Variants in MYLK observed in about 807,000 individuals in gnomAD.
MYLK encodes myosin light chain kinase, smooth muscle.
MYLK carries 106 observed loss-of-function variants against 203.4 expected under a neutral mutation model. The observed-to-expected ratio is 0.52, with a 90% CI of 0.45 to 0.61. The LOEUF (loss-of-function observed/expected upper bound fraction) is 0.61. Ranked by LOEUF, MYLK falls within the 20% of genes least tolerant of loss-of-function variation. The pLI is 0.00. For missense variants in MYLK, 2,072 were observed against 2,442.3 expected (o/e 0.85, Z 3.20); for synonymous variants, 867 against 959.5 (o/e 0.90, Z 1.78).
rs113822223 is a variant in MYLK, at chr3:123,738,627, T to C, written c.588+270A>G. Among the ~76,000 whole-genome samples, 626 of 152,300 alleles carry C rather than the reference T, an allele frequency of 4.1e-3. 11 individuals are homozygous for C. The highest frequency in any genetic ancestry group is 0.015 in the African/African-American group (606 of 41,566). Reference sequence around the variant, plus strand: ...CATAGGGTGGGTTTTCTCATGCTATTCTCATGACAGTGAATAAGTCTCATG... The same window carrying C: ...CATAGGGTGGGTTTTCTCATGCTATCCTCATGACAGTGAATAAGTCTCATG... On this transcript the variant is annotated intron_variant, in intron 7 of 33. Coordinates refer to ENST00000360304, the MANE Select transcript of MYLK (RefSeq NM_053025.4).
chr3:123,698,230 C>T (rs911734833), intron 18 of MYLK, among the ~76,000 whole-genome samples: 2 of 152,172 alleles, frequency 1.3e-5, no homozygotes, highest in African/African-American at 4.8e-5. Flanking sequence ...AGCCCATGGG[C>T]AGCGCCAAGC....
At chr3:123,633,934 T>C (rs1440601440) in intron 29 of MYLK, among the ~76,000 whole-genome samples, 5 of 152,058 alleles carry the variant, frequency 3.3e-5, no homozygotes, top group Non-Finnish European at 1.5e-5. Context: ...CCTCCCATCA[T>C]AGCCTCCTGA....
At chr3:123,674,443 G>T (rs2060010840) in intron 20 of MYLK, among the ~76,000 whole-genome samples, 1 of 152,150 alleles carries the variant, frequency 6.6e-6, no homozygotes, top group Admixed American at 6.5e-5. Context: ...TGCCACTCAG[G>T]ATCAAATTCA....
rs577842707 is a variant in MYLK at position 123,876,016 on chromosome 3, T to C, written c.-127+543A>G. On this transcript the variant is annotated intron_variant, in intron 2 of 33. Coordinates refer to ENST00000360304, the MANE Select transcript of MYLK (RefSeq NM_053025.4). ...TAGACAAAACCCTGGTAGACTTTAATATTCCTCAGACTTATTCTGTCAATC... is the reference window on the plus strand; with the variant it reads ...TAGACAAAACCCTGGTAGACTTTAACATTCCTCAGACTTATTCTGTCAATC... 3.3e-5 allele frequency among the ~76,000 whole-genome samples: 5 copies of C among 152,346 alleles called. No homozygotes were observed. In the East Asian group the frequency reaches 5.8e-4, roughly 18 times the overall value.
At chr3:123,762,838 G>C (rs753089492) in intron 4 of MYLK, among the ~76,000 whole-genome samples, 1 of 152,290 alleles carries the variant, frequency 6.6e-6, no homozygotes, top group South Asian at 2.1e-4. Flanking sequence ...TCACCAAGTG[G>C]TGCATTGATC....
chr3:123,682,386 C>T, intron 19 of MYLK, 76 bp from the exon 20 acceptor site: 1 of 1,194,566 alleles, frequency 8.4e-7, no homozygotes, highest in Non-Finnish European at 1.2e-6. Flanking sequence ...AGTCAAAATC[C>T]CACCTCAGCC....
Position 123,761,084 on chromosome 3 carries a change from A to T in MYLK, c.166-8546T>A, listed in dbSNP as rs2063519320. On this transcript the variant is annotated intron_variant, in intron 4 of 33. Coordinates refer to ENST00000360304, the MANE Select transcript of MYLK (RefSeq NM_053025.4). ...TTTAGCCAGTCATGATTGGACCTGG[A>T]GAGAGGGAGAGACATACTTCACTGG... is the stretch of plus-strand genomic sequence containing the variant. Among the ~76,000 whole-genome samples, 5 of 152,290 alleles carry T rather than the reference A, an allele frequency of 3.3e-5. No homozygotes were observed. In the South Asian group the frequency reaches 1.0e-3, roughly 32 times the overall value.
Position 123,785,769 on chromosome 3 carries a change from C to T in MYLK, c.165+7908G>A, listed in dbSNP as rs116211975. On this transcript the variant is annotated intron_variant, in intron 4 of 33. Coordinates refer to ENST00000360304, the MANE Select transcript of MYLK (RefSeq NM_053025.4). ...AATCTGTGCTGTCCAATATGGTAGC[C>T]ATTAGCCCCATGTGACTATTCAGCA... 1.0e-2 allele frequency among the ~76,000 whole-genome samples: 1,521 copies of T among 152,286 alleles called. 34 individuals are homozygous for T. Among genetic ancestry groups the T allele is most frequent in the African/African-American group, 0.035 (1,469 of 41,554 alleles).
At chr3:123,664,666 C>T (rs1406337385) in intron 22 of MYLK, among the ~76,000 whole-genome samples, 21 of 152,198 alleles carry the variant, frequency 1.4e-4, no homozygotes, top group Admixed American at 1.4e-3. Flanking sequence ...CCACTAGTCA[C>T]ATGTGGCTAT....
chr3:123,709,391 C>T (rs983675449), intron 14 of MYLK: 6 of 309,818 alleles, frequency 1.9e-5, no homozygotes, highest in Non-Finnish European at 3.1e-5. Context: ...TCTGCTGCCT[C>T]GGCCTCACAA....
At chr3:123,685,089 A>G (rs1341757763) in intron 19 of MYLK, among the ~76,000 whole-genome samples, 1 of 152,200 alleles carries the variant, frequency 6.6e-6, no homozygotes, top group African/African-American at 2.4e-5. Flanking sequence ...GTTGGGCTTT[A>G]CTTCCAAGCA....
chr3:123,720,490 G>A (rs2062050017), intron 13 of MYLK, among the ~76,000 whole-genome samples: 1 of 152,136 alleles, frequency 6.6e-6, no homozygotes, highest in Non-Finnish European at 1.5e-5. Flanking sequence ...TTGACTCTGG[G>A]GTTGGCCACG....
intron 16 of MYLK, among the ~76,000 whole-genome samples, chr3:123,705,194 C>G (rs2061415883): frequency 6.6e-6 from 1 of 152,120 alleles, no homozygotes; most frequent in Admixed American, 6.5e-5. Context: ...GCACCCTGCT[C>G]TACGTCTAGG....
intron 8 of MYLK, chr3:123,735,678 C>T (rs2062650343): frequency 2.2e-6 from 1 of 458,480 alleles, no homozygotes; most frequent in African/African-American, 2.0e-5. Context: ...GTTCACTAAA[C>T]AGAAGGAAAA....
At chr3:123,782,427 G>A (rs1056751365) in intron 4 of MYLK, among the ~76,000 whole-genome samples, 1 of 152,218 alleles carries the variant, frequency 6.6e-6, no homozygotes, top group African/African-American at 2.4e-5. Context: ...CTGGAGCACA[G>A]AGGAGGCTCA....
rs570411857 is a variant in MYLK, at chr3:123,874,009, A to C, written c.-127+2550T>G. Among the ~76,000 whole-genome samples the C allele has an allele frequency of 5.3e-5, 8 of 152,248 alleles. No homozygotes were observed. In the East Asian group the frequency reaches 1.3e-3, roughly 26 times the overall value. ...TTGATAAGGAAATCAAAGATGACCT[A>C]AATGGAGAAATATAGTTTATTTATG... On this transcript the variant is annotated intron_variant, in intron 2 of 33. Coordinates refer to ENST00000360304, the MANE Select transcript of MYLK (RefSeq NM_053025.4).
At chr3:123,643,512 T>C (rs2058906282) in intron 27 of MYLK, among the ~76,000 whole-genome samples, 1 of 152,192 alleles carries the variant, frequency 6.6e-6, no homozygotes, top group Non-Finnish European at 1.5e-5. Context: ...GTTCCTATGG[T>C]TCAACTTTCT....
At chr3:123,792,099 T>A (rs2064803955) in intron 4 of MYLK, among the ~76,000 whole-genome samples, 1 of 152,122 alleles carries the variant, frequency 6.6e-6, no homozygotes, top group Non-Finnish European at 1.5e-5. Context: ...AAGTTCCAAA[T>A]CGAGTCACTC....
intron 33 of MYLK, chr3:123,618,167 C>T (rs1340849590): frequency 1.5e-5 from 3 of 205,180 alleles, no homozygotes; most frequent in Admixed American, 5.3e-5. Context: ...GCAGAGGGAC[C>T]GTAACTCAGG....
Sources: allele counts gnomAD v4.1 joint callset (sites outside exome capture counted in the v4.1 genomes callset), GRCh38; gene constraint gnomAD v4.1.1; transcripts MANE v1.5; gene names NCBI Gene and HGNC (gene_info 2026-07-23, HGNC 2026-07-21).